Variants in GRIP1 observed in about 807,000 individuals in gnomAD.
GRIP1 encodes the protein glutamate receptor interacting protein 1.
In GRIP1, 45 loss-of-function variants were observed where a neutral mutation model predicts 129.9. The observed-to-expected ratio is 0.35, with a 90% CI of 0.27 to 0.44. GRIP1 has a LOEUF of 0.44. GRIP1 is among the 20% of genes least tolerant of loss of function. The pLI is 1.00. For synonymous variants in GRIP1, 530 were observed against 520.8 expected (o/e 1.02, Z -0.24); for missense variants, 1,196 against 1,396.8 (o/e 0.86, Z 2.29).
intron 1 of GRIP1, among the ~76,000 whole-genome samples, chr12:66,768,120 T>G (rs1161125968): frequency 6.6e-6 from 1 of 152,214 alleles, no homozygotes; most frequent in Non-Finnish European, 1.5e-5. Context: ...ATGCTCTATT[T>G]GGTCTACATT....
intron 1 of GRIP1, among the ~76,000 whole-genome samples, chr12:66,955,332 G>T (rs2041822551): frequency 6.6e-6 from 1 of 151,982 alleles, no homozygotes. Context: ...GAGAACCACT[G>T]ATTTAAAAGA....
At chr12:66,723,203 T>TTTCC (rs1374520549) in intron 1 of GRIP1, among the ~76,000 whole-genome samples, 24 of 51,102 alleles carry the variant, frequency 4.7e-4, no homozygotes, top group African/African-American at 6.6e-4. Context: ...TTCATCTTCT[T>TTTCC]TTCTTTCTTT....
rs1283440611 is a variant in GRIP1 at position 66,392,319 on chromosome 12, T to C, written c.2453A>G (p.Tyr818Cys). 3 of 1,600,786 alleles carry C rather than the reference T, an allele frequency of 1.9e-6. No homozygotes were observed. Among genetic ancestry groups the C allele is most frequent in the Non-Finnish European group, 2.6e-6 (3 of 1,167,892 alleles). ...SWDGSAIDTSYGTQGTSFQAS... is the reference protein window; with the variant it reads ...SWDGSAIDTSCGTQGTSFQAS... ...AAGTAAAGACATACCTTGAGTTCCA[T>C]AGCTGGTGTCTATTGCAGACCCATC... The change falls in exon 19 of 25, where the codon TAT (tyrosine) becomes TGT (cysteine). Residue 818 changes from tyrosine to cysteine, a missense_variant. By Grantham distance (194) the Tyr-to-Cys change is radical. This residue lies in a region of GRIP1 where 427 missense variants were observed against 463.3 expected (regional missense o/e 0.92). Transcript: ENST00000359742.
intron 1 of GRIP1, among the ~76,000 whole-genome samples, chr12:67,026,132 T>G (rs1207586655): frequency 6.6e-6 from 1 of 152,240 alleles, no homozygotes; most frequent in Non-Finnish European, 1.5e-5. Flanking sequence ...TTGAATTATT[T>G]AAGATTATTT....
At position 66,583,819 on chromosome 12, in the gene GRIP1, A is replaced by G. The variant is rs1490735349; in HGVS notation, c.136+13028T>C. 1.9e-4 allele frequency among the ~76,000 whole-genome samples: 26 copies of G among 134,620 alleles called. 1 individual carries two copies. Among genetic ancestry groups the G allele is most frequent in the African/African-American group, 7.1e-4 (26 of 36,802 alleles). The allele number at this position is 134,620 out of a possible 152,430, so 88.3% of individuals were successfully genotyped here. On this transcript the variant is annotated intron_variant, in intron 2 of 24. Coordinates refer to ENST00000359742, the MANE Select transcript of GRIP1 (RefSeq NM_001366722.1). ...TTTTACACTGTTGGTGGGACTGTAAACTAGTTCAACCATTGTGGAAGTCAG... is the reference window on the plus strand; with the variant it reads ...TTTTACACTGTTGGTGGGACTGTAAGCTAGTTCAACCATTGTGGAAGTCAG...
chr12:66,991,230 G>A (rs756341226), intron 1 of GRIP1, among the ~76,000 whole-genome samples: 4 of 152,060 alleles, frequency 2.6e-5, no homozygotes, highest in Non-Finnish European at 5.9e-5. Context: ...CCGAGATCAC[G>A]CCACTGCACT....
chr12:66,549,385 A>G (rs555231800), intron 2 of GRIP1, among the ~76,000 whole-genome samples: 2 of 152,276 alleles, frequency 1.3e-5, no homozygotes, highest in African/African-American at 4.8e-5. Flanking sequence ...ATGCCTTAGT[A>G]AGGGGAATTA....
intron 2 of GRIP1, among the ~76,000 whole-genome samples, chr12:66,554,209 G>A (rs1054408848): frequency 6.6e-6 from 1 of 152,068 alleles, no homozygotes; most frequent in Non-Finnish European, 1.5e-5. Context: ...CTTGCAACTT[G>A]GATACCAACT....
chr12:66,652,676 G>A (rs193033833), intron 1 of GRIP1, among the ~76,000 whole-genome samples: 78 of 152,302 alleles, frequency 5.1e-4, no homozygotes, highest in African/African-American at 1.8e-3. Flanking sequence ...TCTGCACAGC[G>A]GGTGCTAGAA....
Position 66,380,062 on chromosome 12 carries a change from C to T in GRIP1, c.2465-626G>A, listed in dbSNP as rs374114727. 9.2e-5 allele frequency among the ~76,000 whole-genome samples: 14 copies of T among 151,798 alleles called. No individual in the cohort carries two copies. The East Asian group carries it at 1.5e-3, about 17-fold the overall frequency. ...CTAGGATTACAGGAGTGCACCACCA[C>T]ACCCAGCTAATTTTTTTTTTTATTT... On this transcript the variant is annotated intron_variant, in intron 19 of 24. Coordinates refer to ENST00000359742, the MANE Select transcript of GRIP1 (RefSeq NM_001366722.1).
At chr12:66,973,648 G>A (rs1484973452) in intron 1 of GRIP1, among the ~76,000 whole-genome samples, 2 of 151,954 alleles carry the variant, frequency 1.3e-5, no homozygotes, top group Non-Finnish European at 2.9e-5. Flanking sequence ...AGATAATTCT[G>A]TTACCTCAAA....
chr12:66,420,679 A>G, intron 15 of GRIP1, 41 bp downstream of exon 15: 1 of 1,066,084 alleles, frequency 9.4e-7, no homozygotes, highest in Middle Eastern at 2.0e-4. Flanking sequence ...ACTTAAATTA[A>G]GAGAGGCCTT....
At chr12:66,577,398 G>C (rs546346876) in intron 2 of GRIP1, among the ~76,000 whole-genome samples, 1 of 152,300 alleles carries the variant, frequency 6.6e-6, no homozygotes, top group South Asian at 2.1e-4. Flanking sequence ...TTCCAATAGT[G>C]AAAGTAGAAC....
chr12:66,860,821 C>A (rs951320654), intron 1 of GRIP1, among the ~76,000 whole-genome samples: 1 of 152,040 alleles, frequency 6.6e-6, no homozygotes, highest in African/African-American at 2.4e-5. Flanking sequence ...ACCAGATAGA[C>A]CCATGCTTCC....
rs1300782703 is a variant in GRIP1, at chr12:66,347,648, C to T, written c.*1371G>A. ...AATAAAAATACATATTTAAGTGACTCATGATCTTTTTTTCTTTTTTCTTAA... is the reference window on the plus strand; with the variant it reads ...AATAAAAATACATATTTAAGTGACTTATGATCTTTTTTTCTTTTTTCTTAA... On this transcript the variant is annotated 3_prime_UTR_variant, in exon 25 of 25. Coordinates refer to ENST00000359742, the MANE Select transcript of GRIP1 (RefSeq NM_001366722.1). The T allele has an allele frequency of 6.6e-6, 1 of 152,146 alleles. No homozygotes were observed. The highest frequency in any genetic ancestry group is 1.5e-5 in the Non-Finnish European group (1 of 68,026). The allele number at this position is 152,146 out of a possible 1,614,324, so 9.4% of individuals were successfully genotyped here. A position where few individuals can be genotyped will look rare whatever the true frequency, so the allele number is the denominator to read the frequency against.
chr12:66,703,980 A>G (rs2035439291), intron 1 of GRIP1, among the ~76,000 whole-genome samples: 1 of 152,122 alleles, frequency 6.6e-6, no homozygotes, highest in Non-Finnish European at 1.5e-5. Flanking sequence ...GGAAAAAAAC[A>G]CAAGTGACAA....
chr12:66,739,762 C>A (rs909189205), intron 1 of GRIP1, among the ~76,000 whole-genome samples: 52 of 149,992 alleles, frequency 3.5e-4, no homozygotes, highest in African/African-American at 9.5e-4. Flanking sequence ...AAAAAAAAAA[C>A]CAGTCCTCCA....
chr12:66,435,878 T>C (rs6421221), intron 13 of GRIP1, among the ~76,000 whole-genome samples: 139,792 of 152,208 alleles, frequency 0.92, 65,048 homozygotes, highest in Non-Finnish European at 1. Flanking sequence ...GATCAAGCTG[T>C]GGCTTCATTT....
At chr12:66,850,167 A>C (rs1241896309) in intron 1 of GRIP1, among the ~76,000 whole-genome samples, 1 of 152,164 alleles carries the variant, frequency 6.6e-6, no homozygotes, top group African/African-American at 2.4e-5. Flanking sequence ...CAAATCTAAG[A>C]GTCAAAAAAG....
Sources: gnomAD v4.1 joint callset for allele counts (sites outside exome capture counted in the v4.1 genomes callset) on GRCh38, gnomAD v4.1.1 for gene constraint, gnomAD v4.1.1 regional missense constraint, MANE v1.5 for transcripts, NCBI Gene and HGNC (gene_info 2026-07-23, HGNC 2026-07-21) for gene names.